Variants in KCNIP4 observed in about 807,000 individuals in gnomAD.
The protein encoded by KCNIP4 is potassium voltage-gated channel interacting protein 4, also known as Kv channel-interacting protein 4.
Under a neutral mutation model 34.0 loss-of-function variants are expected in KCNIP4, and 12 were observed. The observed-to-expected ratio is 0.35, with a 90% CI of 0.23 to 0.57. KCNIP4 has a LOEUF of 0.57. Ranked by LOEUF, KCNIP4 falls within the 20% of genes least tolerant of loss-of-function variation. KCNIP4 has a pLI of 0.83. For synonymous variants in KCNIP4, 124 were observed against 102.2 expected, an observed-to-expected ratio of 1.21 and a Z score of -1.29; for missense variants, 238 against 311.7, an observed-to-expected ratio of 0.76 and a Z score of 1.78.
At chr4:20,754,590 C>G (rs1242269573) in intron 4 of KCNIP4, among the ~76,000 whole-genome samples, 1 of 152,146 alleles carries the variant, frequency 6.6e-6, no homozygotes, top group Non-Finnish European at 1.5e-5. Flanking sequence ...AATCATAATT[C>G]TTTAAAATAT....
intron 1 of KCNIP4, among the ~76,000 whole-genome samples, chr4:21,132,384 C>T (rs1161092654): frequency 2.0e-5 from 3 of 152,100 alleles, no homozygotes; most frequent in African/African-American, 7.2e-5. Context: ...ATGAATATGC[C>T]GGATTAGGAG....
At chr4:21,528,279 A>C (rs1458983454) in intron 1 of KCNIP4, among the ~76,000 whole-genome samples, 1 of 151,910 alleles carries the variant, frequency 6.6e-6, no homozygotes, top group African/African-American at 2.4e-5. Flanking sequence ...GATTTGAGTT[A>C]TTGTTGTTGT....
intron 1 of KCNIP4, among the ~76,000 whole-genome samples, chr4:21,911,655 C>CAG (rs1366997015): frequency 9.5e-5 from 13 of 137,240 alleles, no homozygotes; most frequent in Middle Eastern, 3.8e-3. Context: ...CACACACACA[C>CAG]AGAGTCTGGT....
intron 3 of KCNIP4, among the ~76,000 whole-genome samples, chr4:20,768,903 G>T (rs1232708099): frequency 6.6e-6 from 1 of 152,092 alleles, no homozygotes; most frequent in East Asian, 1.9e-4. Context: ...TGAGAGCTGG[G>T]TGACCAAGAT....
At position 21,944,473 on chromosome 4, in the gene KCNIP4, C is replaced by T. The variant is rs185399753; in HGVS notation, c.61+4098G>A. Among the ~76,000 whole-genome samples the T allele has an allele frequency of 4.8e-5, 7 of 147,052 alleles. No individual in the cohort carries two copies. In the East Asian group the frequency reaches 1.5e-3, roughly 32 times the overall value. ...TCGGGAGGCTGAGGCAGGAGAAATG[C>T]TTGAACCCAAGAGGCAGAGATTGCA... On this transcript the variant is annotated intron_variant, in intron 1 of 8. Transcript: ENST00000382152.
rs571589709 is a variant in KCNIP4 at position 20,826,312 on chromosome 4, C to T, written c.288+24231G>A. On this transcript the variant is annotated intron_variant, in intron 3 of 8. Coordinates refer to ENST00000382152, the MANE Select transcript of KCNIP4 (RefSeq NM_025221.6). ...TAGAGACTCCGGCCATTGTGGCTCA[C>T]GTCTGTAGTCCCAGCACTTTGGGAG... Among the ~76,000 whole-genome samples the T allele has an allele frequency of 7.9e-5, 12 of 152,196 alleles. No individual in the cohort carries two copies. In the South Asian group the frequency reaches 1.2e-3, roughly 16 times the overall value.
chr4:21,862,141 T>G (rs1290400813), intron 1 of KCNIP4, among the ~76,000 whole-genome samples: 1 of 152,190 alleles, frequency 6.6e-6, no homozygotes, highest in Non-Finnish European at 1.5e-5. Context: ...CAAGGTGGCC[T>G]TGCTGGCCAT....
chr4:21,883,424 C>G (rs994116568), intron 1 of KCNIP4, among the ~76,000 whole-genome samples: 2 of 152,042 alleles, frequency 1.3e-5, no homozygotes, highest in Non-Finnish European at 2.9e-5. Context: ...GTTGTGATTA[C>G]AGACATGAGC....
chr4:21,659,322 T>C (rs906125019), intron 1 of KCNIP4, among the ~76,000 whole-genome samples: 1 of 152,198 alleles, frequency 6.6e-6, no homozygotes, highest in Non-Finnish European at 1.5e-5. Context: ...CATAAATTTT[T>C]AAAATCTTAC....
chr4:21,058,220 T>C (rs958640642), intron 1 of KCNIP4, among the ~76,000 whole-genome samples: 5 of 152,088 alleles, frequency 3.3e-5, no homozygotes, highest in Non-Finnish European at 7.4e-5. Flanking sequence ...AATGAGGAAA[T>C]ATACCTTGGG....
chr4:21,082,334 A>G (rs1746072865), intron 1 of KCNIP4, among the ~76,000 whole-genome samples: 1 of 151,778 alleles, frequency 6.6e-6, no homozygotes, highest in Non-Finnish European at 1.5e-5. Context: ...AGAAGTACTT[A>G]AGCAAAGAAA....
chr4:21,107,754 T>C (rs1461967846), intron 1 of KCNIP4, among the ~76,000 whole-genome samples: 2 of 151,558 alleles, frequency 1.3e-5, no homozygotes, highest in Admixed American at 6.5e-5. Flanking sequence ...ATCCTTTCCA[T>C]GTTTAGTGCT....
intron 7 of KCNIP4, 133 bp downstream of exon 7, chr4:20,732,545 ATAG>A: frequency 4.5e-6 from 3 of 667,658 alleles, no homozygotes; most frequent in Non-Finnish European, 8.0e-6. Context: ...TATTAAATTA[ATAG>A]GATGCTAAAT....
intron 1 of KCNIP4, among the ~76,000 whole-genome samples, chr4:21,773,759 G>GTTT (rs1560704204): frequency 8.6e-5 from 5 of 58,388 alleles, no homozygotes; most frequent in African/African-American, 3.9e-4. Context: ...TTTTTTTTTT[G>GTTT]TTTGTTTGTT....
chr4:21,132,879 G>A (rs889416119), intron 1 of KCNIP4, among the ~76,000 whole-genome samples: 8 of 143,278 alleles, frequency 5.6e-5, no homozygotes, highest in Non-Finnish European at 1.2e-4. Flanking sequence ...AAAAAAATTA[G>A]CCAGGTGCCT....
At chr4:21,343,451 G>C (rs866962431) in intron 1 of KCNIP4, among the ~76,000 whole-genome samples, 1 of 152,018 alleles carries the variant, frequency 6.6e-6, no homozygotes, top group Admixed American at 6.6e-5. Context: ...ATCTCTTTAG[G>C]GAGTTATACA....
intron 1 of KCNIP4, among the ~76,000 whole-genome samples, chr4:21,729,051 A>G (rs1715401978): frequency 6.6e-6 from 1 of 152,152 alleles, no homozygotes; most frequent in Non-Finnish European, 1.5e-5. Flanking sequence ...CTCTTTGCAA[A>G]TAATGATATC....
chr4:21,802,823 TTC>T (rs1721080776), intron 1 of KCNIP4, among the ~76,000 whole-genome samples: 1 of 152,176 alleles, frequency 6.6e-6, no homozygotes, highest in Non-Finnish European at 1.5e-5. Flanking sequence ...CTAAACCACA[TTC>T]TCTCTCAAAA....
At chr4:20,753,600 A>G (rs1560437974) in intron 4 of KCNIP4, among the ~76,000 whole-genome samples, 1 of 152,144 alleles carries the variant, frequency 6.6e-6, no homozygotes, top group Non-Finnish European at 1.5e-5. Flanking sequence ...CCCTACTCCC[A>G]TTGAATTCAA....
Sources: gnomAD v4.1 joint callset for allele counts (sites outside exome capture counted in the v4.1 genomes callset) on GRCh38, gnomAD v4.1.1 for gene constraint, MANE v1.5 for transcripts, NCBI Gene and HGNC (gene_info 2026-07-23, HGNC 2026-07-21) for gene names.